The following RAB3GAP1 variants were observed in gnomAD, a reference collection of about 807,000 sequenced individuals.
The protein encoded by RAB3GAP1 is rab3 GTPase-activating protein catalytic subunit.
Under a neutral mutation model 130.7 loss-of-function variants are expected in RAB3GAP1, and 86 were observed. That is an observed-to-expected ratio of 0.66 (90% CI 0.55 to 0.79). RAB3GAP1 has a LOEUF of 0.79. Ranked by LOEUF, RAB3GAP1 falls within the 30% of genes least tolerant of loss-of-function variation. The pLI, the probability that RAB3GAP1 is intolerant of heterozygous loss-of-function variation, is 0.00. For synonymous variants in RAB3GAP1, 367 were observed against 401.7 expected (o/e 0.91, Z 1.03); for missense variants, 1,029 against 1,169.4 (o/e 0.88, Z 1.75).
Position 135,120,326 on chromosome 2 carries a change from T to G in RAB3GAP1, c.649-493T>G, listed in dbSNP as rs199987843. 2.0e-5 allele frequency among the ~76,000 whole-genome samples: 3 copies of G among 152,362 alleles called. No homozygotes were observed. The East Asian group carries it at 5.8e-4, about 29-fold the overall frequency. The stretch of plus-strand genomic sequence containing the variant: ...TATTTTAAAGCTATGGCATTGTTTT[T>G]GAAACTTTTTTTTAGCTACATCAAA... On this transcript the variant is annotated intron_variant, in intron 7 of 23. Transcript: ENST00000264158.
chr2:135,092,893 A>G (rs539368708), intron 4 of RAB3GAP1, among the ~76,000 whole-genome samples: 1 of 152,216 alleles, frequency 6.6e-6, no homozygotes, highest in African/African-American at 2.4e-5. Context: ...GTTTAAAACT[A>G]TATTATCAGA....
intron 3 of RAB3GAP1, 65 bp from the exon 4 acceptor site, chr2:135,090,933 G>A (rs368493331): frequency 7.3e-5 from 105 of 1,445,072 alleles, no homozygotes; most frequent in Admixed American, 1.4e-4. Flanking sequence ...TATCCCTGTC[G>A]TTAGTAAATA....
chr2:135,160,313 G>T (rs1382242397), intron 19 of RAB3GAP1, among the ~76,000 whole-genome samples: 3 of 152,136 alleles, frequency 2.0e-5, no homozygotes, highest in Non-Finnish European at 1.5e-5. Flanking sequence ...AAAGAGCTAT[G>T]ATAACTAAAG....
rs1692768348 is a variant in RAB3GAP1, at chr2:135,169,169, A to G, written c.*388A>G. The stretch of plus-strand genomic sequence containing the variant: ...GTGCAAACACTTCGTGGTTCTATAT[A>G]TCAGCAGCAAGTGTGCAAAATAAAG... On this transcript the variant is annotated 3_prime_UTR_variant, in exon 24 of 24. Coordinates refer to ENST00000264158, the MANE Select transcript of RAB3GAP1 (RefSeq NM_012233.3). The G allele has an allele frequency of 6.9e-6, 2 of 290,896 alleles. No homozygotes were observed. The highest frequency in any genetic ancestry group is 7.5e-5 in the South Asian group (2 of 26,776). 18.0% of individuals were successfully genotyped at this position (290,896 alleles called of 1,614,324 possible). A position where few individuals can be genotyped will look rare whatever the true frequency, so the allele number is the denominator to read the frequency against.
At chr2:135,133,838 T>G (rs752126604) in intron 14 of RAB3GAP1, 23 bp from the exon 15 acceptor site, 17 of 1,607,694 alleles carry the variant, frequency 1.1e-5, no homozygotes, top group Admixed American at 6.7e-5. Context: ...AAGTTTGCTT[T>G]GTTTCTATTT....
chr2:135,065,880 C>T (rs77336778), intron 3 of RAB3GAP1, among the ~76,000 whole-genome samples: 1 of 150,660 alleles, frequency 6.6e-6, no homozygotes, highest in Non-Finnish European at 1.5e-5. Context: ...GAGTGATTCT[C>T]CTGCCTCAGC....
At chr2:135,084,071 CCT>C (rs1178553559) in intron 3 of RAB3GAP1, among the ~76,000 whole-genome samples, 1 of 151,864 alleles carries the variant, frequency 6.6e-6, no homozygotes, top group East Asian at 1.9e-4. Context: ...ATGGTGAAAC[CCT>C]GTCTCTACTA....
chr2:135,124,316 A>C, intron 9 of RAB3GAP1, 70 bp downstream of exon 9: 2 of 1,416,492 alleles, frequency 1.4e-6, no homozygotes, highest in Non-Finnish European at 2.0e-6. Flanking sequence ...TATTGATTTC[A>C]CTGTGCTTTA....
rs1228151594 is a variant in RAB3GAP1, at chr2:135,131,536, G to A, written c.1236+815G>A. On this transcript the variant is annotated intron_variant, in intron 13 of 23. Coordinates refer to ENST00000264158, the MANE Select transcript of RAB3GAP1 (RefSeq NM_012233.3). ...TGAGCCACCGCACCTGGCCCCGGAA[G>A]TATATTTTTGAAGGATTGCTTTGAC... Among the ~76,000 whole-genome samples the A allele has an allele frequency of 4.6e-5, 7 of 152,196 alleles. No individual in the cohort carries two copies. In the East Asian group the frequency reaches 1.4e-3, roughly 29 times the overall value.
chr2:135,158,039 G>A (rs538418390), intron 19 of RAB3GAP1, among the ~76,000 whole-genome samples: 1 of 152,178 alleles, frequency 6.6e-6, no homozygotes, highest in Non-Finnish European at 1.5e-5. Context: ...GGAAGGCAAG[G>A]AAGAACGCAG....
In RAB3GAP1 at chr2:135,113,227, C is replaced by T. The variant is rs1456704198; in HGVS notation, c.439C>T (p.Leu147Phe). 6.2e-7 allele frequency: 1 copy of T among 1,614,090 alleles called. No individual in the cohort carries two copies. Residue 147 changes from leucine to phenylalanine, a missense_variant, in exon 6 of 24, where the codon CTT becomes TTT. Around this residue, in one of 3 missense-constraint regions of RAB3GAP1, gnomAD observed 510 missense variants for 532.1 expected, o/e 0.96. Transcript: ENST00000264158. Reference protein sequence around the residue: ...DAVLSESKCNLLLSSVSIALG... With the variant: ...DAVLSESKCNFLLSSVSIALG... ...TGTTCTCAGCGAATCTAAGTGCAAC[C>T]TTCTTCTGAGTTCTGTTTCTATTGC... is the stretch of plus-strand genomic sequence containing the variant.
At chr2:135,072,710 A>G (rs1157181860) in intron 3 of RAB3GAP1, among the ~76,000 whole-genome samples, 1 of 152,206 alleles carries the variant, frequency 6.6e-6, no homozygotes, top group Non-Finnish European at 1.5e-5. Context: ...ACAAGAAATT[A>G]CCATACAAGA....
At chr2:135,161,723 A>T (rs996229228) in intron 19 of RAB3GAP1, among the ~76,000 whole-genome samples, 2 of 152,220 alleles carry the variant, frequency 1.3e-5, no homozygotes, top group South Asian at 4.1e-4. Flanking sequence ...TAAATAAAGC[A>T]AATAATAAAA....
At chr2:135,096,602 G>A (rs768125352) in intron 5 of RAB3GAP1, among the ~76,000 whole-genome samples, 11 of 152,270 alleles carry the variant, frequency 7.2e-5, no homozygotes, top group Non-Finnish European at 1.5e-4. Flanking sequence ...AGGCAGCATA[G>A]TATCAGAGCA....
At chr2:135,133,092 A>C (rs1691592081) in intron 14 of RAB3GAP1, 108 bp downstream of exon 14, 1 of 756,948 alleles carries the variant, frequency 1.3e-6, no homozygotes, top group African/African-American at 1.8e-5. Flanking sequence ...TTTAAAAATC[A>C]CCTTGGGAAT....
chr2:135,133,046 A>G (rs995106191), intron 14 of RAB3GAP1, 62 bp downstream of exon 14: 12 of 1,005,764 alleles, frequency 1.2e-5, no homozygotes, highest in Middle Eastern at 2.9e-4. Context: ...TAGAGGTTCT[A>G]TATATTTCTA....
At chr2:135,066,499 CCCAGTGTCATTTTG>C (rs1326846311) in intron 3 of RAB3GAP1, among the ~76,000 whole-genome samples, 2 of 152,156 alleles carry the variant, frequency 1.3e-5, no homozygotes, top group East Asian at 3.8e-4. Flanking sequence ...CTGTAATTTT[CCCAGTGTCATTTTG>C]CCAGTAGTTT....
intron 9 of RAB3GAP1, 52 bp downstream of exon 9, chr2:135,124,298 T>C: frequency 2.7e-6 from 4 of 1,486,888 alleles, no homozygotes; most frequent in Non-Finnish European, 3.8e-6. Context: ...ACTTTGAATT[T>C]ATATTGATAT....
chr2:135,052,553 C>G (rs1688910418), intron 2 of RAB3GAP1, 68 bp downstream of exon 2: 2 of 1,555,958 alleles, frequency 1.3e-6, no homozygotes, highest in Non-Finnish European at 1.8e-6. Context: ...CTTCCCTGAC[C>G]CCAGACACAC....
Sources: gnomAD v4.1 joint callset for allele counts (sites outside exome capture counted in the v4.1 genomes callset) on GRCh38, gnomAD v4.1.1 for gene constraint, gnomAD v4.1.1 regional missense constraint, MANE v1.5 for transcripts, NCBI Gene and HGNC (gene_info 2026-07-23, HGNC 2026-07-21) for gene names.